The following ARHGEF19 variants were observed in gnomAD, a reference collection of about 807,000 sequenced individuals.
ARHGEF19 encodes Rho guanine nucleotide exchange factor (GEF) 19.
A neutral mutation model predicts 87.6 loss-of-function variants in ARHGEF19; 92 were observed. The observed-to-expected ratio is 1.05, with a 90% confidence interval of 0.89 to 1.25. The LOEUF (loss-of-function observed/expected upper bound fraction) is 1.25, where lower values mean the gene tolerates loss of function less well. ARHGEF19 is among the 50% of genes most tolerant of loss of function. The pLI, the probability that ARHGEF19 is intolerant of heterozygous loss-of-function variation, is 0.00. For synonymous variants in ARHGEF19, 438 were observed against 446.2 expected, an observed-to-expected ratio of 0.98 and a Z score of 0.23; for missense variants, 1,054 against 1,051.8, an observed-to-expected ratio of 1.00 and a Z score of -0.03.
rs752174946 is a variant in ARHGEF19 at position 16,208,212 on chromosome 1, C to A, written c.426G>T (p.Arg142=). 2 of 1,612,600 alleles carry A rather than the reference C, an allele frequency of 1.2e-6. No individual in the cohort carries two copies. The highest frequency in any genetic ancestry group is 1.7e-6 in the Non-Finnish European group (2 of 1,179,258). ...SEKKSAWRKM[R]VYQREEVPGC... is the part of the protein sequence containing the mutation. ...CGGGGACCTCTTCACGCTGGTACAC[C>A]CGCATCTTGCGCCCTAGGGTTGGGG... The change falls in exon 3 of 16, where the codon CGG becomes CGT. Residue 142 remains arginine, a synonymous_variant. Coordinates refer to ENST00000270747, the MANE Select transcript of ARHGEF19 (RefSeq NM_153213.5).
chr1:16,207,011 G>A lies in ARHGEF19; in HGVS notation c.1074C>T (p.Ile358=). 5 of 1,518,170 alleles carry A rather than the reference G, an allele frequency of 3.3e-6. No homozygotes were observed. The highest frequency in any genetic ancestry group is 2.7e-5 in the East Asian group (1 of 36,678). 94.0% of individuals were successfully genotyped at this position (1,518,170 alleles called of 1,614,324 possible). ...GGACGCCGCTGCCGCGTACGTCGGG[G>A]ATATCCTGCCACAGCGAGAAGGTGG... ...RGSTFSLWQD[I]PDVRGSGVLA... is the part of the protein sequence containing the mutation. Residue 358 remains isoleucine (I), a synonymous_variant, in exon 6 of 16, where the codon ATC becomes ATT. Coordinates refer to ENST00000270747, the MANE Select transcript of ARHGEF19 (RefSeq NM_153213.5). The surrounding 1 kb of genome is among the most constrained non-coding windows in gnomAD (Gnocchi z 4.0).
In ARHGEF19 at chr1:16,206,171, CT is replaced by C. The variant is rs2081132202; in HGVS notation, c.1298+8del. The C allele has an allele frequency of 6.3e-7, 1 of 1,591,882 alleles. No individual in the cohort carries two copies. Among genetic ancestry groups the C allele is most frequent in the African/African-American group, 1.3e-5 (1 of 74,636 alleles). ...CCCCACCCCGGGCCAGGCCAGACCA[CT>C]TCTTCACCTCTCGCTGGTGCTCTTG... On this transcript the variant is annotated splice_region_variant and intron_variant, in intron 7 of 15. Transcript: ENST00000270747. This position sits in a 1 kb window ranked among gnomAD's most constrained non-coding sequence, Gnocchi z 4.6.
At chr1:16,200,743 CA>C (rs34127909) in intron 14 of ARHGEF19, among the ~76,000 whole-genome samples, 63 of 142,594 alleles carry the variant, frequency 4.4e-4, no homozygotes, top group Non-Finnish European at 3.8e-4. Flanking sequence ...GACTCTGTCT[CA>C]AAAAAAAAAA....
chr1:16,207,902 C>CCGCCGCGGGCG lies in ARHGEF19; in HGVS notation c.694+41_694+42insCGCCCGCGGCG. ...GGCATCGCCCACCCCCACCCCCACC[C>CCGCCGCGGGCG]GGCATCTGGCTGCCCTCAGGGCCCA... On this transcript the variant is annotated intron_variant, in intron 3 of 15. Transcript: ENST00000270747. This position sits in a 1 kb window ranked among gnomAD's most constrained non-coding sequence, Gnocchi z 4.0. The CCGCCGCGGGCG allele has an allele frequency of 2.5e-6, 4 of 1,574,816 alleles. No homozygotes were observed. Among genetic ancestry groups the CCGCCGCGGGCG allele is most frequent in the Non-Finnish European group, 3.5e-6 (4 of 1,159,198 alleles).
chr1:16,199,033 C>T (rs2081062525), intron 15 of ARHGEF19, 117 bp downstream of exon 15: 8 of 1,040,494 alleles, frequency 7.7e-6, no homozygotes, highest in Non-Finnish European at 1.2e-5. Context: ...AACCTGATTC[C>T]CACATGCTGT....
rs575621549 is a variant in ARHGEF19, at chr1:16,206,765, T to C, written c.1137+183A>G. Among the ~76,000 whole-genome samples the C allele has an allele frequency of 2.6e-3, 391 of 151,988 alleles. 1 individual carries two copies. Among genetic ancestry groups the C allele is most frequent in the African/African-American group, 9.1e-3 (378 of 41,436 alleles). ...TCCCCTCGCCTCTCGCTCAGCGGCT[T>C]GCTGTCCTCGCTTCCAGACGGCCTC... is the stretch of plus-strand genomic sequence containing the variant. On this transcript the variant is annotated intron_variant, in intron 6 of 15. Coordinates refer to ENST00000270747, the MANE Select transcript of ARHGEF19 (RefSeq NM_153213.5). This position sits in a 1 kb window ranked among gnomAD's most constrained non-coding sequence, Gnocchi z 4.6.
Position 16,207,127 on chromosome 1 carries a change from C to A in ARHGEF19, c.958G>T (p.Glu320Ter), listed in dbSNP as rs948621558. The change falls in exon 6 of 16, where the codon GAG becomes TAG. Residue 320 changes from glutamate to a stop codon, truncating the protein, a stop_gained. Transcript: ENST00000270747. LOFTEE classifies it high-confidence loss of function. This position sits in a 1 kb window ranked among gnomAD's most constrained non-coding sequence, Gnocchi z 4.0. ...QQREEEGPGD[E>*]AEGAEEGPGP... ...GGCCCCTCCTCTGCGCCCTCGGCCT[C>A]GTCCCCCGGGCCCTCCTCCTCGCGC... 6.6e-7 allele frequency: 1 copy of A among 1,521,052 alleles called. No individual in the cohort carries two copies. The highest frequency in any genetic ancestry group is 8.8e-7 in the Non-Finnish European group (1 of 1,138,328). The allele number at this position is 1,521,052 out of a possible 1,614,324, so 94.2% of individuals were successfully genotyped here.
intron 14 of ARHGEF19, 144 bp from the exon 15 acceptor site, chr1:16,199,398 C>T (rs951472965): frequency 1.6e-5 from 11 of 673,616 alleles, no homozygotes; most frequent in Non-Finnish European, 2.6e-5. Flanking sequence ...CACTGCCATG[C>T]CACAGGCCCA....
chr1:16,198,726 C>A lies in ARHGEF19; in HGVS notation c.2270G>T (p.Arg757Leu). 6.2e-7 allele frequency: 1 copy of A among 1,607,654 alleles called. No homozygotes were observed. Among genetic ancestry groups the A allele is most frequent in the Non-Finnish European group, 8.5e-7 (1 of 1,176,528 alleles). ...CCACCCCTTCTCACCATCTGCCAGG[C>A]GGACCCCTTCCAGCCAGCCTAGGGA... ...WTSDGWLEGV[R>L]LADGEKGWVP... Residue 757 changes from arginine (R) to leucine (L), a missense_variant, in exon 16 of 16, where the codon CGC (arginine) becomes CTC (leucine). Physicochemically the swap from Arg to Leu is moderately radical, Grantham distance 102. Transcript: ENST00000270747. This position sits in a 1 kb window ranked among gnomAD's most constrained non-coding sequence, Gnocchi z 4.1.
chr1:16,207,773 T>G lies in ARHGEF19; in HGVS notation c.699A>C (p.Lys233Asn). The change falls in exon 4 of 16, where the codon AAA becomes AAC. Residue 233 changes from lysine to asparagine, a missense_variant. Physicochemically the swap from Lys to Asn is moderately conservative, Grantham distance 94. Coordinates refer to ENST00000270747, the MANE Select transcript of ARHGEF19 (RefSeq NM_153213.5). This position sits in a 1 kb window ranked among gnomAD's most constrained non-coding sequence, Gnocchi z 4.0. ...GSGTGAAREG[K>N]ASGMEARSVE... ...CACTTCGAGCCTCCATTCCAGATGC[T>G]TTCCCTGGAGAGGGCGAGAACTGAG... The G allele has an allele frequency of 6.2e-7, 1 of 1,613,812 alleles. No homozygotes were observed. Among genetic ancestry groups the G allele is most frequent in the Admixed American group, 1.7e-5 (1 of 60,022 alleles).
Position 16,198,503 on chromosome 1 carries a change from C to T in ARHGEF19, c.*84G>A. ...AGAAGCGAAGTGCCAGCAGGAGCAG[C>T]TTGGGGAATGGAGACACTGCAGGCC... On this transcript the variant is annotated 3_prime_UTR_variant, in exon 16 of 16. Transcript: ENST00000270747. This position sits in a 1 kb window ranked among gnomAD's most constrained non-coding sequence, Gnocchi z 4.1. The T allele has an allele frequency of 1.4e-6, 2 of 1,445,252 alleles. No individual in the cohort carries two copies. Among genetic ancestry groups the T allele is most frequent in the Non-Finnish European group, 1.8e-6 (2 of 1,087,884 alleles). 89.5% of individuals were successfully genotyped at this position (1,445,252 alleles called of 1,614,324 possible).
At chr1:16,202,720 G>A (rs2081094268) in intron 12 of ARHGEF19, 146 bp from the exon 13 acceptor site, 1 of 1,068,904 alleles carries the variant, frequency 9.4e-7, no homozygotes, top group Non-Finnish European at 1.3e-6. Context: ...CTTCTGGATA[G>A]GGCACTGCTA....
At chr1:16,211,232 A>G (rs927764513) in intron 1 of ARHGEF19, among the ~76,000 whole-genome samples, 8 of 152,208 alleles carry the variant, frequency 5.3e-5, no homozygotes, top group African/African-American at 1.9e-4. Context: ...AGGCTGAGAC[A>G]CACATTATAT....
In ARHGEF19 at chr1:16,206,946, ACCT is replaced by A. The variant is rs1181916390; in HGVS notation, c.1136_1137+1del. The A allele has an allele frequency of 1.6e-6, 2 of 1,270,762 alleles. No individual in the cohort carries two copies. Among genetic ancestry groups the A allele is most frequent in the Non-Finnish European group, 2.0e-6 (2 of 1,002,684 alleles). 78.7% of individuals were successfully genotyped at this position (1,270,762 alleles called of 1,614,324 possible). On this transcript the variant is annotated splice_donor_variant and coding_sequence_variant, in exon 6 of 16. Transcript: ENST00000270747. LOFTEE classifies it high-confidence loss of function. This position sits in a 1 kb window ranked among gnomAD's most constrained non-coding sequence, Gnocchi z 4.6. ...CCCCGCCGGGTCCCCGCGCGCGCCC[ACCT>A]CCTGCAGCTTGCAGTCCCGCAGGCT...
In ARHGEF19 at chr1:16,208,637, A is replaced by T; in HGVS notation, c.412+6T>A. 1.3e-6 allele frequency: 2 copies of T among 1,596,504 alleles called. No individual in the cohort carries two copies. Among genetic ancestry groups the T allele is most frequent in the East Asian group, 4.5e-5 (2 of 44,556 alleles). Reference sequence around the variant, plus strand: ...ACCCACACCCGCCTTCCCCAGGGTGACTCACAGGCAGACTTCTTCTCCGAG... The same window carrying T: ...ACCCACACCCGCCTTCCCCAGGGTGTCTCACAGGCAGACTTCTTCTCCGAG... On this transcript the variant is annotated splice_donor_region_variant and intron_variant, in intron 2 of 15. Coordinates refer to ENST00000270747, the MANE Select transcript of ARHGEF19 (RefSeq NM_153213.5).
At position 16,201,843 on chromosome 1, in the gene ARHGEF19, C is replaced by A; in HGVS notation, c.2085G>T (p.Trp695Cys). 1 of 1,613,898 alleles carries A rather than the reference C, an allele frequency of 6.2e-7. No homozygotes were observed. Among genetic ancestry groups the A allele is most frequent in the Non-Finnish European group, 8.5e-7 (1 of 1,179,878 alleles). ...GGCTGGAGGGGCACAAGGCTGAGAT[C>A]CATCGCTGCTTCTCACTTCTAGGGA... ...RARTESEKQR[W>C]ISALCPSSPQ... Residue 695 changes from tryptophan to cysteine, a missense_variant, in exon 14 of 16, where the codon TGG (tryptophan) becomes TGT (cysteine). Coordinates refer to ENST00000270747, the MANE Select transcript of ARHGEF19 (RefSeq NM_153213.5).
rs1421337963 is a variant in ARHGEF19 at position 16,207,916 on chromosome 1, C to T, written c.694+28G>A. The T allele has an allele frequency of 1.9e-6, 3 of 1,591,046 alleles. No homozygotes were observed. Among genetic ancestry groups the T allele is most frequent in the South Asian group, 1.1e-5 (1 of 89,978 alleles). ...CCACCCCCACCCGGCATCTGGCTGC[C>T]CTCAGGGCCCATGGGAGGAGCTGGT... On this transcript the variant is annotated intron_variant, in intron 3 of 15. Coordinates refer to ENST00000270747, the MANE Select transcript of ARHGEF19 (RefSeq NM_153213.5). The surrounding 1 kb of genome is among the most constrained non-coding windows in gnomAD (Gnocchi z 4.0).
In ARHGEF19 at chr1:16,207,050, G is replaced by C; in HGVS notation, c.1035C>G (p.Arg345=). 6.6e-7 allele frequency: 1 copy of C among 1,508,668 alleles called. No homozygotes were observed. Among genetic ancestry groups the C allele is most frequent in the Middle Eastern group, 1.7e-4 (1 of 5,778 alleles). 93.5% of individuals were successfully genotyped at this position (1,508,668 alleles called of 1,614,324 possible). ...GCGAGAAGGTGGAGCCTCGCGCCGA[G>C]CGCTGCGCCCGGAAGGAGCTGCTGG... is the stretch of plus-strand genomic sequence containing the variant. ...LSPSSSFRAQ[R]SARGSTFSLW... Residue 345 remains arginine (R), a synonymous_variant, in exon 6 of 16, where the codon CGC becomes CGG. Transcript: ENST00000270747. The surrounding 1 kb of genome is among the most constrained non-coding windows in gnomAD (Gnocchi z 4.0).
chr1:16,202,962 C>T (rs946309351), intron 12 of ARHGEF19, among the ~76,000 whole-genome samples: 7 of 152,072 alleles, frequency 4.6e-5, no homozygotes, highest in Non-Finnish European at 1.0e-4. Context: ...CCACAACCTC[C>T]GCCTTCCAGG....
Sources: gnomAD v4.1 joint callset for allele counts (sites outside exome capture counted in the v4.1 genomes callset) on GRCh38, gnomAD v4.1.1 for gene constraint, Gnocchi (gnomAD v3.1) non-coding constraint, MANE v1.5 for transcripts, NCBI Gene and HGNC (gene_info 2026-07-23, HGNC 2026-07-21) for gene names.